Variants in XKR9 observed in about 807,000 individuals in gnomAD.
XKR9 encodes XK related 9.
Under a neutral mutation model 32.0 loss-of-function variants are expected in XKR9, and 32 were observed. That is an observed-to-expected ratio of 1.00 (90% CI 0.76 to 1.34). XKR9 has a LOEUF of 1.34. Ranked by LOEUF, XKR9 falls within the 40% of genes most tolerant of loss-of-function variation. The pLI, the probability that XKR9 is intolerant of heterozygous loss-of-function variation, is 0.00. For synonymous variants in XKR9, 168 were observed against 143.4 expected (o/e 1.17, Z -1.22); for missense variants, 546 against 429.7 (o/e 1.27, Z -2.39).
At chr8:70,833,068 T>C in the XKR9 span, among the ~76,000 whole-genome samples, 1 of 152,224 alleles carries the variant, frequency 6.6e-6, no homozygotes, top group African/African-American at 2.4e-5. Context: ...AAATTTTTCA[T>C]TGGTTTGTCA....
the XKR9 span, among the ~76,000 whole-genome samples, chr8:70,948,061 G>C: frequency 6.6e-6 from 1 of 152,190 alleles, no homozygotes; most frequent in Non-Finnish European, 1.5e-5. Context: ...GAGCCAGGCT[G>C]TCTCTCAGCC....
chr8:70,788,836 C>A (rs182349952), intron 2 of XKR9, among the ~76,000 whole-genome samples: 9 of 152,096 alleles, frequency 5.9e-5, no homozygotes, highest in Non-Finnish European at 1.0e-4. Context: ...TCTGCAAGTG[C>A]GTTGGAAGGC....
At chr8:70,817,285 T>C in the XKR9 span, among the ~76,000 whole-genome samples, 2 of 152,154 alleles carry the variant, frequency 1.3e-5, no homozygotes, top group East Asian at 1.9e-4. Flanking sequence ...AGTTCCAAGA[T>C]GCAAAATCAG....
chr8:70,716,130 A>G (rs1385240206), intron 4 of XKR9, among the ~76,000 whole-genome samples: 1 of 152,112 alleles, frequency 6.6e-6, no homozygotes, highest in Non-Finnish European at 1.5e-5. Context: ...AAAAGGAACT[A>G]GTAGATGTAT....
the XKR9 span, among the ~76,000 whole-genome samples, chr8:70,804,914 G>A: frequency 4.6e-5 from 7 of 152,112 alleles, no homozygotes; most frequent in African/African-American, 1.4e-4. Flanking sequence ...GAAAGCTGTG[G>A]TGACCCTGGG....
the XKR9 span, among the ~76,000 whole-genome samples, chr8:70,917,746 A>C: frequency 1.3e-5 from 2 of 152,362 alleles, no homozygotes; most frequent in Non-Finnish European, 2.9e-5. Flanking sequence ...GTTTTAAGCC[A>C]GATTACCTGG....
At chr8:70,683,478 C>T in intron 3 of XKR9, 1 of 440,118 alleles carries the variant, frequency 2.3e-6, no homozygotes, top group South Asian at 1.6e-5. Context: ...AGGACTTCTA[C>T]CTAGAATTAC....
the XKR9 span, among the ~76,000 whole-genome samples, chr8:70,877,686 T>C: frequency 6.6e-6 from 1 of 152,158 alleles, no homozygotes; most frequent in Non-Finnish European, 1.5e-5. Context: ...CTACATTTGA[T>C]TGGTGTACCT....
At chr8:70,902,896 A>C in the XKR9 span, among the ~76,000 whole-genome samples, 1 of 152,166 alleles carries the variant, frequency 6.6e-6, no homozygotes, top group African/African-American at 2.4e-5. Flanking sequence ...CTATTGAGAT[A>C]ATCATGTGGT....
chr8:70,757,655 C>T lies in XKR9; in HGVS notation n.353-31684C>T, dbSNP rs111717864. On this transcript the variant is annotated intron_variant and non_coding_transcript_variant, in intron 2 of 3. Transcript: ENST00000520273. ...AGGCTGGCATGTGGTGCCGCAATCT[C>T]GGCTCACTGCAACCTCTGCCTCTGG... 4.1e-3 allele frequency among the ~76,000 whole-genome samples: 619 copies of T among 152,220 alleles called. 3 individuals are homozygous for T. The highest frequency in any genetic ancestry group is 0.014 in the African/African-American group (590 of 41,530).
At chr8:71,043,698 T>C in the XKR9 span, among the ~76,000 whole-genome samples, 1 of 152,208 alleles carries the variant, frequency 6.6e-6, no homozygotes, top group African/African-American at 2.4e-5. Context: ...TTGCTTCTCT[T>C]GACACTTCAA....
At chr8:70,744,884 G>A (rs1343696465) in intron 2 of XKR9, among the ~76,000 whole-genome samples, 2 of 150,188 alleles carry the variant, frequency 1.3e-5, no homozygotes, top group East Asian at 1.9e-4. Context: ...GGGATTACAG[G>A]CATGAGTTAC....
At chr8:71,055,545 A>T in the XKR9 span, among the ~76,000 whole-genome samples, 1 of 152,076 alleles carries the variant, frequency 6.6e-6, no homozygotes, top group African/African-American at 2.4e-5. Context: ...TATGCCTGAA[A>T]CAGAACCCTC....
intron 2 of XKR9, among the ~76,000 whole-genome samples, chr8:70,758,846 GCT>G (rs1442034638): frequency 2.0e-5 from 3 of 152,216 alleles, no homozygotes; most frequent in Non-Finnish European, 4.4e-5. Context: ...TAACAGCAAA[GCT>G]CTCCTTATAT....
At chr8:70,841,205 T>C in the XKR9 span, among the ~76,000 whole-genome samples, 5 of 152,254 alleles carry the variant, frequency 3.3e-5, no homozygotes, top group Admixed American at 6.5e-5. Context: ...TCAGTTTCCA[T>C]CTCTGTAAAG....
At chr8:70,753,014 C>T (rs929149969) in intron 2 of XKR9, among the ~76,000 whole-genome samples, 84 of 152,052 alleles carry the variant, frequency 5.5e-4, no homozygotes, top group South Asian at 3.7e-3. Flanking sequence ...ATTGATAGAC[C>T]GCTAGCAAGA....
intron 2 of XKR9, among the ~76,000 whole-genome samples, chr8:70,745,033 A>G (rs1807038806): frequency 6.7e-6 from 1 of 150,174 alleles, no homozygotes; most frequent in South Asian, 2.1e-4. Flanking sequence ...AATATATGTA[A>G]TGGGAAAAAG....
At chr8:71,024,178 AG>A in the XKR9 span, among the ~76,000 whole-genome samples, 1 of 152,188 alleles carries the variant, frequency 6.6e-6, no homozygotes, top group Non-Finnish European at 1.5e-5. Context: ...GACAGGGATC[AG>A]GGTGCATGCA....
At chr8:70,708,001 T>G (rs1210726765) in intron 4 of XKR9, among the ~76,000 whole-genome samples, 2 of 152,046 alleles carry the variant, frequency 1.3e-5, no homozygotes, top group Non-Finnish European at 2.9e-5. Context: ...TTCCCTGGAG[T>G]TCTTGCTGTC....
Sources: gnomAD v4.1 joint callset for allele counts (sites outside exome capture counted in the v4.1 genomes callset) on GRCh38, gnomAD v4.1.1 for gene constraint, MANE v1.5 for transcripts, NCBI Gene and HGNC (gene_info 2026-07-23, HGNC 2026-07-21) for gene names.